Variants in MYO16 observed in about 807,000 individuals in gnomAD.
The protein encoded by MYO16 is unconventional myosin-XVI.
In MYO16, 94 loss-of-function variants were observed where a neutral mutation model predicts 205.3. That is an observed-to-expected ratio of 0.46 (90% CI 0.39 to 0.54). The LOEUF is 0.54. Among genes scored for constraint, MYO16 ranks in the 20% least tolerant of loss-of-function variants. The probability of loss-of-function intolerance (pLI) is 0.00; values close to 1 mark genes in which losing one functional copy is unlikely to be tolerated. For missense variants in MYO16, 2,315 were observed against 2,387.5 expected, an observed-to-expected ratio of 0.97 and a Z score of 0.63; for synonymous variants, 988 against 954.0, an observed-to-expected ratio of 1.04 and a Z score of -0.66.
At chr13:108,565,794 G>A in the MYO16 span, among the ~76,000 whole-genome samples, 6 of 152,112 alleles carry the variant, frequency 3.9e-5, no homozygotes, top group South Asian at 6.2e-4. Context: ...TCCCCCATTC[G>A]GTATAATATT....
chr13:108,908,111 T>C lies in MYO16; in HGVS notation c.1778-1892T>C, dbSNP rs1284126353. Among the ~76,000 whole-genome samples the C allele has an allele frequency of 4.6e-5, 7 of 152,306 alleles. No homozygotes were observed. The East Asian group carries it at 1.4e-3, about 29-fold the overall frequency. On this transcript the variant is annotated intron_variant, in intron 15 of 34. Coordinates refer to ENST00000457511, the MANE Select transcript of MYO16 (RefSeq NM_001198950.3). Reference sequence around the variant, plus strand: ...ACTTAACTTGAAATTGCCACCTAATTGATTCTCATAGAGACCTGTGCACAC... The same window carrying C: ...ACTTAACTTGAAATTGCCACCTAATCGATTCTCATAGAGACCTGTGCACAC...
At chr13:108,673,053 C>G (rs1882056614) in intron 2 of MYO16, among the ~76,000 whole-genome samples, 1 of 151,144 alleles carries the variant, frequency 6.6e-6, no homozygotes, top group Non-Finnish European at 1.5e-5. Context: ...GTAGGTAGGT[C>G]ATGCACCCCA....
At chr13:108,923,602 G>A (rs1273318370) in intron 16 of MYO16, among the ~76,000 whole-genome samples, 1 of 152,244 alleles carries the variant, frequency 6.6e-6, no homozygotes, top group East Asian at 1.9e-4. Flanking sequence ...CCACCTCGGT[G>A]TGGGGCCCTC....
chr13:108,789,705 T>C (rs1379612404), intron 5 of MYO16, among the ~76,000 whole-genome samples: 1 of 152,166 alleles, frequency 6.6e-6, no homozygotes, highest in Non-Finnish European at 1.5e-5. Context: ...TTAGAACACT[T>C]ATTATGAAGA....
At chr13:109,039,652 T>A (rs958778389) in intron 23 of MYO16, among the ~76,000 whole-genome samples, 1 of 152,070 alleles carries the variant, frequency 6.6e-6, no homozygotes, top group African/African-American at 2.4e-5. Flanking sequence ...CTGAACCTAA[T>A]GAAAATGAAA....
chr13:109,052,530 G>C (rs1017371241), intron 25 of MYO16, 55 bp downstream of exon 25: 4 of 1,368,028 alleles, frequency 2.9e-6, no homozygotes, highest in Non-Finnish European at 4.0e-6. Context: ...AAGTATATTT[G>C]CTTCTTTTTT....
At chr13:108,597,347 CAT>C (rs1878599296) in intron 1 of MYO16, among the ~76,000 whole-genome samples, 1 of 152,162 alleles carries the variant, frequency 6.6e-6, no homozygotes, top group South Asian at 2.1e-4. Flanking sequence ...CAGAGCAAAA[CAT>C]TTAACTATTT....
intron 3 of MYO16, among the ~76,000 whole-genome samples, chr13:108,726,620 A>C (rs1278959427): frequency 6.6e-6 from 1 of 152,080 alleles, no homozygotes; most frequent in Admixed American, 6.5e-5. Context: ...TGATTTGAAG[A>C]GGCCAATGCA....
chr13:108,634,113 T>A (rs1398895457), intron 1 of MYO16, among the ~76,000 whole-genome samples: 1 of 152,124 alleles, frequency 6.6e-6, no homozygotes, highest in Non-Finnish European at 1.5e-5. Context: ...TCATTTAACA[T>A]CATGATCAAA....
At position 109,055,311 on chromosome 13, in the gene MYO16, C is replaced by T. The variant is rs1887380846; in HGVS notation, c.3130-79C>T. On this transcript the variant is annotated intron_variant, in intron 26 of 34. Transcript: ENST00000457511. The surrounding 1 kb of genome is among the most constrained non-coding windows in gnomAD (Gnocchi z 5.0). The stretch of plus-strand genomic sequence containing the variant: ...ATAATGAGATTTAAAGACGTAAAGA[C>T]TTTTTATTTAAAAACTGCTTTATAT... The T allele has an allele frequency of 8.1e-7, 1 of 1,239,708 alleles. No individual in the cohort carries two copies. The highest frequency in any genetic ancestry group is 1.5e-5 in the African/African-American group (1 of 65,540). The allele number at this position is 1,239,708 out of a possible 1,614,324, so 76.8% of individuals were successfully genotyped here.
intron 2 of MYO16, among the ~76,000 whole-genome samples, chr13:108,674,392 A>G (rs1288730628): frequency 6.6e-6 from 1 of 152,164 alleles, no homozygotes; most frequent in Non-Finnish European, 1.5e-5. Flanking sequence ...AGATAGAAGG[A>G]GCCTGTTATA....
At chr13:109,077,763 G>A (rs1888155596) in intron 27 of MYO16, among the ~76,000 whole-genome samples, 1 of 152,172 alleles carries the variant, frequency 6.6e-6, no homozygotes, top group Admixed American at 6.5e-5. Context: ...GCACTTTGGT[G>A]TAGTTCCTTC....
At chr13:108,579,494 G>T in the MYO16 span, among the ~76,000 whole-genome samples, 1 of 145,508 alleles carries the variant, frequency 6.9e-6, no homozygotes, top group Non-Finnish European at 1.5e-5. Context: ...AGATTAGAGT[G>T]CAGTGGCGCG....
chr13:109,073,647 A>G (rs56098954), intron 27 of MYO16, among the ~76,000 whole-genome samples: 73,192 of 151,972 alleles, frequency 0.48, 17,860 homozygotes, highest in Middle Eastern at 0.54. Flanking sequence ...CTGACTGCCT[A>G]TGCTATGTAT....
At chr13:108,720,227 G>A (rs534604620) in intron 3 of MYO16, among the ~76,000 whole-genome samples, 1 of 152,274 alleles carries the variant, frequency 6.6e-6, no homozygotes, top group African/African-American at 2.4e-5. Flanking sequence ...AATGTGACAT[G>A]GTGGCAGAGA....
chr13:108,869,356 G>A (rs1401751867), intron 12 of MYO16, among the ~76,000 whole-genome samples: 1 of 152,048 alleles, frequency 6.6e-6, no homozygotes, highest in Non-Finnish European at 1.5e-5. Context: ...GTTTTTAAAT[G>A]CTGTTATAAA....
rs1045541039 is a variant in MYO16, at chr13:108,747,310, A to G, written c.507+19727A>G. Among the ~76,000 whole-genome samples the G allele has an allele frequency of 7.1e-5, 9 of 126,810 alleles. No individual in the cohort carries two copies. The South Asian group carries it at 1.2e-3, about 17-fold the overall frequency. The allele number at this position is 126,810 out of a possible 152,430, so 83.2% of individuals were successfully genotyped here. On this transcript the variant is annotated intron_variant, in intron 4 of 34. Transcript: ENST00000457511. ...ATTCGAAATTCATCTAAAAATGTCTATTTAAAGTAATGATAACAATATATT... is the reference window on the plus strand; with the variant it reads ...ATTCGAAATTCATCTAAAAATGTCTGTTTAAAGTAATGATAACAATATATT...
intron 5 of MYO16, among the ~76,000 whole-genome samples, chr13:108,791,040 T>C (rs1329546012): frequency 6.6e-6 from 1 of 152,198 alleles, no homozygotes; most frequent in East Asian, 1.9e-4. Context: ...CATGCAAAAT[T>C]GAAGGCTGAC....
intron 34 of MYO16, among the ~76,000 whole-genome samples, chr13:109,182,827 A>T (rs1879511232): frequency 6.6e-6 from 1 of 152,220 alleles, no homozygotes; most frequent in African/African-American, 2.4e-5. Flanking sequence ...TAATTTGAAA[A>T]CTATAATGGC....
Sources: allele counts gnomAD v4.1 joint callset (sites outside exome capture counted in the v4.1 genomes callset), GRCh38; gene constraint gnomAD v4.1.1; non-coding constraint Gnocchi (gnomAD v3.1); transcripts MANE v1.5; gene names NCBI Gene and HGNC (gene_info 2026-07-23, HGNC 2026-07-21).